POGZ: variants seen among roughly 807,000 people sequenced by gnomAD.
POGZ encodes the protein pogo transposable element derived with ZNF domain.
In POGZ, 17 loss-of-function variants were observed where a neutral mutation model predicts 134.6. That is an observed-to-expected ratio of 0.13 (90% CI 0.09 to 0.19). The LOEUF is 0.19. Ranked by LOEUF, POGZ falls within the 10% of genes least tolerant of loss-of-function variation. The pLI, the probability that POGZ is intolerant of heterozygous loss-of-function variation, is 1.00. For missense variants in POGZ, 1,306 were observed against 1,769.7 expected (o/e 0.74, Z 4.70); for synonymous variants, 693 against 657.1 (o/e 1.05, Z -0.84).
At chr1:151,445,739 T>C (rs1421937519) in intron 1 of POGZ, among the ~76,000 whole-genome samples, 3 of 152,106 alleles carry the variant, frequency 2.0e-5, no homozygotes, top group African/African-American at 7.2e-5. Context: ...AAGCCAAATT[T>C]TTCAAAACTG....
chr1:151,458,384 CAA>C (rs1663024780), intron 1 of POGZ, among the ~76,000 whole-genome samples: 3 of 152,048 alleles, frequency 2.0e-5, no homozygotes, highest in Admixed American at 1.3e-4. Flanking sequence ...GGCGCCATCC[CAA>C]AAGAAATTTG....
chr1:151,413,247 T>C (rs896882682), intron 10 of POGZ, among the ~76,000 whole-genome samples: 9 of 151,736 alleles, frequency 5.9e-5, no homozygotes, highest in Non-Finnish European at 1.3e-4. Context: ...CCCAAGTAGC[T>C]AGGACTACAG....
intron 1 of POGZ, among the ~76,000 whole-genome samples, chr1:151,456,182 A>C (rs563331433): frequency 1.3e-5 from 2 of 152,320 alleles, no homozygotes; most frequent in Non-Finnish European, 2.9e-5. Flanking sequence ...AACATCATGC[A>C]TTGGTCATTT....
intron 5 of POGZ, 164 bp downstream of exon 5, chr1:151,429,439 A>G (rs1353128829): frequency 4.9e-6 from 2 of 407,012 alleles, no homozygotes; most frequent in Non-Finnish European, 8.8e-6. Context: ...ACCCTGGCCA[A>G]AGGTTAGAAG....
chr1:151,404,000 GA>G lies in POGZ; in HGVS notation c.*801del. Reference sequence around the variant, plus strand: ...AGGGATGGATGGTGTTGAGAATGGGGAAAGGGGCCAAGGATCACAAGTGCAA... The same window carrying G: ...AGGGATGGATGGTGTTGAGAATGGGGAAGGGGCCAAGGATCACAAGTGCAA... On this transcript the variant is annotated 3_prime_UTR_variant, in exon 19 of 19. Transcript: ENST00000271715. 1 of 985,402 alleles carries G rather than the reference GA, an allele frequency of 1.0e-6. No homozygotes were observed. The highest frequency in any genetic ancestry group is 1.2e-6 in the Non-Finnish European group (1 of 829,876). The allele number at this position is 985,402 out of a possible 1,614,324, so 61.0% of individuals were successfully genotyped here.
At position 151,432,748 on chromosome 1, in the gene POGZ, A is replaced by AATG. The variant is rs1658902989; in HGVS notation, c.284-1908_284-1907insCAT. Among the ~76,000 whole-genome samples the AATG allele has an allele frequency of 2.6e-5, 4 of 152,322 alleles. No individual in the cohort carries two copies. The South Asian group carries it at 8.3e-4, about 32-fold the overall frequency. ...AGATCATATCATCTATAAGTATTTC[A>AATG]AAATATACCTTCTACATAAGAACTT... is the stretch of plus-strand genomic sequence containing the variant. On this transcript the variant is annotated intron_variant, in intron 3 of 18. Coordinates refer to ENST00000271715, the MANE Select transcript of POGZ (RefSeq NM_015100.4).
chr1:151,431,419 T>C (rs1241042918), intron 3 of POGZ, among the ~76,000 whole-genome samples: 1 of 152,184 alleles, frequency 6.6e-6, no homozygotes, highest in East Asian at 1.9e-4. Flanking sequence ...TGTTAGCTAA[T>C]CCCCCTTAAT....
chr1:151,457,046 T>C (rs1194964792), intron 1 of POGZ, among the ~76,000 whole-genome samples: 1 of 152,182 alleles, frequency 6.6e-6, no homozygotes, highest in African/African-American at 2.4e-5. Context: ...TACTATTATT[T>C]TGAAAATAGT....
chr1:151,408,027 AAAAAG>A (rs369570327), intron 15 of POGZ, 68 bp downstream of exon 15: 150,698 of 633,046 alleles, frequency 0.24, 121 homozygotes, highest in South Asian at 0.3. Context: ...AAAAAAAAAA[AAAAAG>A]AAGAAGAAGA....
intron 10 of POGZ, among the ~76,000 whole-genome samples, chr1:151,422,596 CT>C (rs950972860): frequency 2.3e-4 from 34 of 147,400 alleles, no homozygotes; most frequent in African/African-American, 3.0e-4. Context: ...ATAATATTAT[CT>C]TTTTTTTTTT....
chr1:151,429,303 G>T, intron 5 of POGZ: 1 of 179,474 alleles, frequency 5.6e-6, no homozygotes, highest in Non-Finnish European at 1.2e-5. Context: ...TAGAATTTAT[G>T]AGTTTGCATT....
At chr1:151,419,869 A>G (rs1052692071) in intron 10 of POGZ, among the ~76,000 whole-genome samples, 3 of 152,038 alleles carry the variant, frequency 2.0e-5, no homozygotes, top group Non-Finnish European at 4.4e-5. Flanking sequence ...GAGGGTCTAC[A>G]TTGTTTCTTT....
At position 151,406,649 on chromosome 1, in the gene POGZ, AC is replaced by A. The variant is rs1261083686; in HGVS notation, c.2546-19del. ...AGTGAGTCCTATGGAAAATGAAACA[AC>A]AAAAATAGTTAGCTCAGTGAAAAAA... is the stretch of plus-strand genomic sequence containing the variant. On this transcript the variant is annotated intron_variant, in intron 17 of 18. Transcript: ENST00000271715. 1.2e-6 allele frequency: 2 copies of A among 1,603,086 alleles called. No homozygotes were observed. Among genetic ancestry groups the A allele is most frequent in the African/African-American group, 2.7e-5 (2 of 74,292 alleles).
At chr1:151,458,793 G>GGGCCGTGGGGCGCGAGTGCGCGC (rs1360038493) in intron 1 of POGZ, among the ~76,000 whole-genome samples, 1 of 145,710 alleles carries the variant, frequency 6.9e-6, no homozygotes, top group African/African-American at 2.5e-5. Flanking sequence ...GCTGTGTGCG[G>GGGCCGTGGGGCGCGAGTGCGCGC]GGCCGTGGGG....
intron 3 of POGZ, among the ~76,000 whole-genome samples, chr1:151,431,475 A>C (rs1658685713): frequency 6.6e-6 from 1 of 152,232 alleles, no homozygotes; most frequent in Non-Finnish European, 1.5e-5. Flanking sequence ...CAGCAAGCAC[A>C]CAGAATCTAA....
At chr1:151,426,634 T>C (rs1288165095) in intron 7 of POGZ, 1 of 152,242 alleles carries the variant, frequency 6.6e-6, no homozygotes, top group Non-Finnish European at 1.5e-5. Context: ...CTTTTCACTG[T>C]GTTGACAACG....
intron 10 of POGZ, among the ~76,000 whole-genome samples, chr1:151,413,203 C>A (rs1055601880): frequency 6.6e-6 from 1 of 150,700 alleles, no homozygotes; most frequent in African/African-American, 2.4e-5. Flanking sequence ...CTAGGACTAT[C>A]CTTTGAGCTC....
At chr1:151,438,630 C>T (rs182068514) in intron 3 of POGZ, among the ~76,000 whole-genome samples, 2 of 152,256 alleles carry the variant, frequency 1.3e-5, no homozygotes, top group Non-Finnish European at 2.9e-5. Context: ...GTAATCCCAG[C>T]ACTTTGGGAG....
intron 1 of POGZ, among the ~76,000 whole-genome samples, chr1:151,443,822 G>C (rs940377462): frequency 2.0e-5 from 3 of 152,214 alleles, no homozygotes; most frequent in Non-Finnish European, 4.4e-5. Context: ...CTAAGGGTCA[G>C]TTTCTCTGTG....
Sources: gnomAD v4.1 joint callset for allele counts (sites outside exome capture counted in the v4.1 genomes callset) on GRCh38, gnomAD v4.1.1 for gene constraint, MANE v1.5 for transcripts, NCBI Gene and HGNC (gene_info 2026-07-23, HGNC 2026-07-21) for gene names.